The following GALNT18 variants were observed in gnomAD, a reference collection of about 807,000 sequenced individuals.
The protein encoded by GALNT18 is GalNAc-transferase 18.
In GALNT18, 44 loss-of-function variants were observed where a neutral mutation model predicts 69.5. That is an observed-to-expected ratio of 0.63 (90% CI 0.50 to 0.81). GALNT18 has a LOEUF of 0.81. GALNT18 is among the 40% of genes least tolerant of loss of function. GALNT18 has a pLI of 0.00. For missense variants in GALNT18, 715 were observed against 810.0 expected (o/e 0.88, Z 1.42); for synonymous variants, 364 against 318.2 (o/e 1.14, Z -1.53).
intron 9 of GALNT18, among the ~76,000 whole-genome samples, chr11:11,319,849 G>C (rs1314914142): frequency 3.9e-5 from 6 of 152,168 alleles, no homozygotes; most frequent in African/African-American, 1.4e-4. Context: ...ATTAACTCAA[G>C]GACATGGTCT....
chr11:11,480,880 C>T lies in GALNT18; in HGVS notation c.236-31944G>A, dbSNP rs146998255. On this transcript the variant is annotated intron_variant, in intron 1 of 10. Coordinates refer to ENST00000227756, the MANE Select transcript of GALNT18 (RefSeq NM_198516.3). The surrounding 1 kb of genome is among the most constrained non-coding windows in gnomAD (Gnocchi z 4.6). The stretch of plus-strand genomic sequence containing the variant: ...GGGGAAAATGATTCCTGACTCAGGA[C>T]TTCTCAGGCCTTTCTTGGGAACCTC... Among the ~76,000 whole-genome samples, 1 of 152,276 alleles carries T rather than the reference C, an allele frequency of 6.6e-6. No homozygotes were observed. The highest frequency in any genetic ancestry group is 2.4e-5 in the African/African-American group (1 of 41,546).
chr11:11,535,667 G>A (rs1296234821), intron 1 of GALNT18, among the ~76,000 whole-genome samples: 8 of 152,256 alleles, frequency 5.3e-5, no homozygotes, highest in East Asian at 3.9e-4. Flanking sequence ...CCACCCAGCC[G>A]GCCGAGCTTC....
At chr11:11,279,180 T>G (rs775155448) in intron 10 of GALNT18, among the ~76,000 whole-genome samples, 1 of 152,232 alleles carries the variant, frequency 6.6e-6, no homozygotes, top group Non-Finnish European at 1.5e-5. Context: ...CTTCATCTTG[T>G]GACCTGCAAG....
intron 3 of GALNT18, among the ~76,000 whole-genome samples, chr11:11,423,649 G>A (rs757436278): frequency 2.0e-5 from 3 of 152,152 alleles, no homozygotes; most frequent in Non-Finnish European, 4.4e-5. Flanking sequence ...TCTCTCCAGA[G>A]GGAATGGAGA....
intron 6 of GALNT18, among the ~76,000 whole-genome samples, chr11:11,360,590 T>C (rs1850623907): frequency 1.3e-5 from 2 of 152,172 alleles, no homozygotes; most frequent in South Asian, 4.1e-4. Flanking sequence ...ACAACTAAGA[T>C]AGGGTTCTTC....
chr11:11,470,927 G>A lies in GALNT18; in HGVS notation c.236-21991C>T, dbSNP rs1357960458. Among the ~76,000 whole-genome samples the A allele has an allele frequency of 1.7e-4, 26 of 152,186 alleles. 1 individual carries two copies. Among genetic ancestry groups the A allele is most frequent in the African/African-American group, 7.2e-5 (3 of 41,536 alleles). On this transcript the variant is annotated intron_variant, in intron 1 of 10. Coordinates refer to ENST00000227756, the MANE Select transcript of GALNT18 (RefSeq NM_198516.3). This position sits in a 1 kb window ranked among gnomAD's most constrained non-coding sequence, Gnocchi z 4.8. ...AAAAACCTTTGCCTGAGAATCAAAC[G>A]TCCTGCCAAATGGCTTCTTGATTTC...
At chr11:11,554,409 C>T (rs1858279373) in intron 1 of GALNT18, among the ~76,000 whole-genome samples, 1 of 150,876 alleles carries the variant, frequency 6.6e-6, no homozygotes, top group South Asian at 2.1e-4. Context: ...TGTAATCTGT[C>T]TCCAGCATGT....
At chr11:11,405,942 A>C (rs1309310004) in intron 3 of GALNT18, among the ~76,000 whole-genome samples, 3 of 152,178 alleles carry the variant, frequency 2.0e-5, no homozygotes, top group Non-Finnish European at 2.9e-5. Context: ...CACCTTCAAC[A>C]TGGTCCTCTA....
At position 11,621,664 on chromosome 11, in the gene GALNT18, T is replaced by G; in HGVS notation, c.-71A>C. 2 of 1,172,976 alleles carry G rather than the reference T, an allele frequency of 1.7e-6. No homozygotes were observed. Among genetic ancestry groups the G allele is most frequent in the Non-Finnish European group, 2.4e-6 (2 of 817,572 alleles). The allele number at this position is 1,172,976 out of a possible 1,614,324, so 72.7% of individuals were successfully genotyped here. ...TCGTGCGCCCCGAACTCCCCCGCGC[T>G]CGCACCCCGTAGCACGTCCGGAGCC... On this transcript the variant is annotated 5_prime_UTR_variant, in exon 1 of 11. Coordinates refer to ENST00000227756, the MANE Select transcript of GALNT18 (RefSeq NM_198516.3). This position sits in a 1 kb window ranked among gnomAD's most constrained non-coding sequence, Gnocchi z 9.3.
At chr11:11,472,781 C>T (rs780801438) in intron 1 of GALNT18, among the ~76,000 whole-genome samples, 2 of 152,092 alleles carry the variant, frequency 1.3e-5, no homozygotes, top group Non-Finnish European at 2.9e-5. Flanking sequence ...ATAGGTATTA[C>T]CATCCTCATT....
chr11:11,560,867 G>T (rs920777089), intron 1 of GALNT18, among the ~76,000 whole-genome samples: 1 of 152,334 alleles, frequency 6.6e-6, no homozygotes. Context: ...TGGGAGAAAG[G>T]TGTTGTTTGG....
chr11:11,303,721 C>A (rs1849534447), intron 9 of GALNT18, among the ~76,000 whole-genome samples: 2 of 152,204 alleles, frequency 1.3e-5, no homozygotes, highest in African/African-American at 4.8e-5. Context: ...GAGGTCCCTG[C>A]AAGGCAGACC....
At chr11:11,548,701 T>G (rs1335815588) in intron 1 of GALNT18, among the ~76,000 whole-genome samples, 2 of 152,234 alleles carry the variant, frequency 1.3e-5, no homozygotes, top group African/African-American at 4.8e-5. Context: ...AATAAACACA[T>G]GCACAATTTA....
At chr11:11,472,825 T>C (rs1457962436) in intron 1 of GALNT18, among the ~76,000 whole-genome samples, 1 of 152,028 alleles carries the variant, frequency 6.6e-6, no homozygotes, top group Non-Finnish European at 1.5e-5. Context: ...CAAAGAAATG[T>C]CTTAGAAAGA....
chr11:11,347,805 T>G lies in GALNT18; in HGVS notation c.1093-6801A>C, dbSNP rs1850328557. Among the ~76,000 whole-genome samples, 1 of 152,140 alleles carries G rather than the reference T, an allele frequency of 6.6e-6. No individual in the cohort carries two copies. The highest frequency in any genetic ancestry group is 1.5e-5 in the Non-Finnish European group (1 of 68,028). ...TCATGTGGTTAATTATCTTTTTACG[T>G]GTAACTGTCTCGCCTAACTTGGCTG... On this transcript the variant is annotated intron_variant, in intron 6 of 10. Transcript: ENST00000227756. The surrounding 1 kb of genome is among the most constrained non-coding windows in gnomAD (Gnocchi z 4.0).
chr11:11,350,979 A>T (rs1850389730), intron 6 of GALNT18, among the ~76,000 whole-genome samples: 1 of 152,158 alleles, frequency 6.6e-6, no homozygotes, highest in Non-Finnish European at 1.5e-5. Flanking sequence ...GCCAGTATGT[A>T]AAGAGGCAAG....
chr11:11,495,184 C>T (rs558115552), intron 1 of GALNT18, among the ~76,000 whole-genome samples: 7 of 152,284 alleles, frequency 4.6e-5, no homozygotes, highest in South Asian at 2.1e-4. Context: ...GGTTTCGAAC[C>T]GTAGGTTTCC....
intron 3 of GALNT18, among the ~76,000 whole-genome samples, chr11:11,380,159 C>T (rs951004965): frequency 1.3e-5 from 2 of 152,212 alleles, no homozygotes; most frequent in African/African-American, 4.8e-5. Flanking sequence ...CCTTAGAGGG[C>T]CTCTTCAACT....
At chr11:11,272,061 T>C (rs1421252508) in intron 10 of GALNT18, among the ~76,000 whole-genome samples, 1 of 152,186 alleles carries the variant, frequency 6.6e-6, no homozygotes, top group Non-Finnish European at 1.5e-5. Flanking sequence ...AACTAGACTT[T>C]GGCCTCCCAA....
Sources: gnomAD v4.1 joint callset for allele counts (sites outside exome capture counted in the v4.1 genomes callset) on GRCh38, gnomAD v4.1.1 for gene constraint, Gnocchi (gnomAD v3.1) non-coding constraint, MANE v1.5 for transcripts, NCBI Gene and HGNC (gene_info 2026-07-23, HGNC 2026-07-21) for gene names.